DTNB: variants seen among roughly 807,000 people sequenced by gnomAD.
DTNB encodes DTN-B.
In DTNB, 63 loss-of-function variants were observed where a neutral mutation model predicts 90.7. The observed-to-expected ratio is 0.69, with a 90% CI of 0.57 to 0.86. The LOEUF (loss-of-function observed/expected upper bound fraction) is 0.86, where lower values mean the gene tolerates loss of function less well. Among genes scored for constraint, DTNB ranks in the 40% least tolerant of loss-of-function variants. The probability of loss-of-function intolerance (pLI) is 0.00; values close to 1 mark genes in which losing one functional copy is unlikely to be tolerated. For synonymous variants in DTNB, 277 were observed against 286.7 expected (o/e 0.97, Z 0.34); for missense variants, 744 against 807.1 (o/e 0.92, Z 0.95).
At chr2:25,596,007 C>A in intron 6 of DTNB, 79 bp downstream of exon 6, 1 of 1,333,556 alleles carries the variant, frequency 7.5e-7, no homozygotes, top group South Asian at 2.0e-5. Context: ...AGACTGGAAG[C>A]AATCTGGCAA....
intron 16 of DTNB, among the ~76,000 whole-genome samples, chr2:25,403,923 T>C (rs1411871809): frequency 6.6e-6 from 1 of 152,220 alleles, no homozygotes; most frequent in Non-Finnish European, 1.5e-5. Flanking sequence ...TGTGCCACTG[T>C]GCCCAGCCTA....
In DTNB at chr2:25,427,613, C is replaced by T; in HGVS notation, c.1476G>A (p.Leu492=). 1 of 1,613,402 alleles carries T rather than the reference C, an allele frequency of 6.2e-7. No homozygotes were observed. Among genetic ancestry groups the T allele is most frequent in the South Asian group, 1.1e-5 (1 of 91,070 alleles). The change falls in exon 15 of 21, where the codon CTG becomes CTA. Residue 492 remains leucine (L), a synonymous_variant. Coordinates refer to ENST00000406818, the MANE Select transcript of DTNB (RefSeq NM_021907.5). ...CCTGCAGGGCCGACATCCTCTGCTC[C>T]AGTTCATCCTTCCTTTGCCTATCCA... The part of the protein sequence containing the change: ...LRLLRQRKDE[L]EQRMSALQES...
chr2:25,392,235 C>A (rs2041317701), intron 16 of DTNB, among the ~76,000 whole-genome samples: 1 of 151,990 alleles, frequency 6.6e-6, no homozygotes, highest in African/African-American at 2.4e-5. Flanking sequence ...ATGGTGAAAC[C>A]CCATCTCCAC....
chr2:25,599,518 T>C (rs969732239), intron 5 of DTNB, among the ~76,000 whole-genome samples: 1 of 151,838 alleles, frequency 6.6e-6, no homozygotes. Flanking sequence ...ATTTTTTGTA[T>C]TTTTAGTAGA....
chr2:25,665,889 A>G (rs1179151772), intron 1 of DTNB, among the ~76,000 whole-genome samples: 3 of 152,092 alleles, frequency 2.0e-5, no homozygotes, highest in Non-Finnish European at 4.4e-5. Flanking sequence ...CAGTAACTGC[A>G]CTCCACTACA....
At chr2:25,407,385 T>C (rs148631628) in intron 16 of DTNB, among the ~76,000 whole-genome samples, 1 of 152,244 alleles carries the variant, frequency 6.6e-6, no homozygotes, top group African/African-American at 2.4e-5. Flanking sequence ...GAACCAAAAG[T>C]AGACCTACCA....
chr2:25,628,829 A>G (rs1214896276), intron 3 of DTNB, among the ~76,000 whole-genome samples: 1 of 152,238 alleles, frequency 6.6e-6, no homozygotes, highest in Non-Finnish European at 1.5e-5. Context: ...AGAGACAAAT[A>G]CAACTGCATT....
At chr2:25,540,017 G>C (rs1328127672) in intron 8 of DTNB, among the ~76,000 whole-genome samples, 1 of 151,844 alleles carries the variant, frequency 6.6e-6, no homozygotes, top group Non-Finnish European at 1.5e-5. Context: ...TTCTATTTTT[G>C]CTCCTATAAC....
chr2:25,390,990 G>A (rs868147004), intron 16 of DTNB, among the ~76,000 whole-genome samples: 5 of 149,002 alleles, frequency 3.4e-5, no homozygotes, highest in African/African-American at 1.2e-4. Flanking sequence ...TCCGCCTCCC[G>A]GGTTCACACC....
chr2:25,538,022 G>T (rs637519), intron 8 of DTNB, among the ~76,000 whole-genome samples: 6 of 151,958 alleles, frequency 3.9e-5, no homozygotes, highest in Non-Finnish European at 7.4e-5. Context: ...TTTAAATACC[G>T]TAATCCCCTT....
At chr2:25,522,872 T>C (rs1329644169) in intron 9 of DTNB, among the ~76,000 whole-genome samples, 1 of 152,092 alleles carries the variant, frequency 6.6e-6, no homozygotes, top group Non-Finnish European at 1.5e-5. Flanking sequence ...AGTTAATTTT[T>C]GTATTTTTAG....
At position 25,639,069 on chromosome 2, in the gene DTNB, T is replaced by A; in HGVS notation, c.93A>T (p.Arg31=). ...TGCAGGCTGTTCTGTAAGTTGATAGTCGTATGACATCAAAATTCTGAGCAC... is the reference window on the plus strand; with the variant it reads ...TGCAGGCTGTTCTGTAAGTTGATAGACGTATGACATCAAAATTCTGAGCAC... ...EMRAQNFDVI[R]LSTYRTACKL... is the part of the protein sequence containing the mutation. Residue 31 remains arginine, a synonymous_variant, in exon 3 of 21, where the codon CGA becomes CGT. Coordinates refer to ENST00000406818, the MANE Select transcript of DTNB (RefSeq NM_021907.5). The A allele has an allele frequency of 6.3e-7, 1 of 1,587,840 alleles. No homozygotes were observed. The highest frequency in any genetic ancestry group is 1.7e-5 in the Admixed American group (1 of 57,504).
chr2:25,383,572 T>C (rs920362548), intron 19 of DTNB: 5 of 612,156 alleles, frequency 8.2e-6, no homozygotes, highest in Non-Finnish European at 1.4e-5. Context: ...GGGTCATCTT[T>C]TGTGTTCTAC....
chr2:25,608,300 ACT>A (rs1426701155), intron 4 of DTNB, among the ~76,000 whole-genome samples: 5 of 152,288 alleles, frequency 3.3e-5, no homozygotes, highest in East Asian at 1.9e-4. Context: ...CATTTTCCAC[ACT>A]GTCTTTATAT....
intron 16 of DTNB, among the ~76,000 whole-genome samples, chr2:25,402,034 T>A (rs1006589000): frequency 6.6e-6 from 1 of 152,218 alleles, no homozygotes; most frequent in East Asian, 1.9e-4. Context: ...CGTGAATGTA[T>A]AGAGAACTGG....
intron 6 of DTNB, among the ~76,000 whole-genome samples, chr2:25,592,517 T>G (rs1381089183): frequency 1.3e-5 from 2 of 152,104 alleles, no homozygotes; most frequent in African/African-American, 4.8e-5. Context: ...TCTCTTGTGT[T>G]TTAAAAACAA....
intron 16 of DTNB, among the ~76,000 whole-genome samples, chr2:25,416,539 G>A (rs948330928): frequency 2.6e-5 from 4 of 152,002 alleles, no homozygotes; most frequent in Admixed American, 6.6e-5. Flanking sequence ...CAGTGTGGGC[G>A]CCTGTAATAC....
At chr2:25,539,619 T>C (rs1162120070) in intron 8 of DTNB, among the ~76,000 whole-genome samples, 2 of 151,510 alleles carry the variant, frequency 1.3e-5, no homozygotes, top group East Asian at 3.9e-4. Context: ...GAGTTCTTTA[T>C]ACTTTTTGTA....
rs67730858 is a variant in DTNB, at chr2:25,630,867, A to AG, written c.149-2484dup. On this transcript the variant is annotated intron_variant, in intron 3 of 20. Transcript: ENST00000406818. ...CCCAAAAAAAAAAAAAAAAAAAAAA[A>AG]GGGGATGAAGTGCTGATGCATTCTG... 7.8e-4 allele frequency among the ~76,000 whole-genome samples: 93 copies of AG among 119,096 alleles called. 1 individual carries two copies. The highest frequency in any genetic ancestry group is 2.5e-3 in the African/African-American group (85 of 34,218). The allele number at this position is 119,096 out of a possible 152,430, so 78.1% of individuals were successfully genotyped here. A position where few individuals can be genotyped will look rare whatever the true frequency, so the allele number is the denominator to read the frequency against.
Sources: gnomAD v4.1 joint callset for allele counts (sites outside exome capture counted in the v4.1 genomes callset) on GRCh38, gnomAD v4.1.1 for gene constraint, MANE v1.5 for transcripts, NCBI Gene and HGNC (gene_info 2026-07-23, HGNC 2026-07-21) for gene names.